The following IFT80 variants were observed in gnomAD, a reference collection of about 807,000 sequenced individuals.
IFT80 encodes intraflagellar transport 80, also known as intraflagellar transport protein 80 homolog.
A neutral mutation model predicts 107.9 loss-of-function variants in IFT80; 79 were observed. That is an observed-to-expected ratio of 0.73 (90% CI 0.61 to 0.88). IFT80 has a LOEUF of 0.88. Among genes scored for constraint, IFT80 ranks in the 40% least tolerant of loss-of-function variants. The probability of loss-of-function intolerance (pLI) is 0.00; values close to 1 mark genes in which losing one functional copy is unlikely to be tolerated. For missense variants in IFT80, 797 were observed against 914.2 expected, an observed-to-expected ratio of 0.87 and a Z score of 1.65; for synonymous variants, 299 against 300.9, an observed-to-expected ratio of 0.99 and a Z score of 0.07.
chr3:160,332,979 C>T (rs1253001381), intron 8 of IFT80, among the ~76,000 whole-genome samples: 1 of 152,088 alleles, frequency 6.6e-6, no homozygotes, highest in African/African-American at 2.4e-5. Context: ...ATCATGTGAA[C>T]ATCATAGAGC....
At chr3:160,259,538 A>G (rs779654608) in intron 19 of IFT80, among the ~76,000 whole-genome samples, 2 of 152,240 alleles carry the variant, frequency 1.3e-5, no homozygotes, top group African/African-American at 2.4e-5. Context: ...GACAATGAGG[A>G]AAAGATGTTA....
Position 160,315,406 on chromosome 3 carries a change from C to T in IFT80, c.957+4354G>A, listed in dbSNP as rs1304962986. Among the ~76,000 whole-genome samples, 7 of 152,214 alleles carry T rather than the reference C, an allele frequency of 4.6e-5. No homozygotes were observed. In the East Asian group the frequency reaches 1.2e-3, roughly 25 times the overall value. On this transcript the variant is annotated intron_variant, in intron 9 of 19. Transcript: ENST00000326448. ...CAGAACTCTGTTTTAGGGTAAAGAT[C>T]TTGGGGCCTACAGGGAATTTACTTG...
intron 5 of IFT80, among the ~76,000 whole-genome samples, chr3:160,372,177 C>T (rs1038398035): frequency 1.3e-5 from 2 of 152,292 alleles, no homozygotes; most frequent in Admixed American, 6.5e-5. Context: ...AATGAACACA[C>T]ATAGACAAAG....
intron 8 of IFT80, among the ~76,000 whole-genome samples, chr3:160,339,531 C>T (rs77366156): frequency 0.034 from 5,158 of 152,214 alleles, 253 homozygotes; most frequent in African/African-American, 0.11. Flanking sequence ...CAATTTTTGT[C>T]TCCAAAATGT....
intron 18 of IFT80, among the ~76,000 whole-genome samples, chr3:160,275,681 C>T (rs1047154875): frequency 1.3e-5 from 2 of 152,030 alleles, no homozygotes; most frequent in African/African-American, 2.4e-5. Context: ...ATTCAGAATG[C>T]TATAGCAAGA....
At chr3:160,285,321 CT>C (rs1372011423) in intron 13 of IFT80, among the ~76,000 whole-genome samples, 1 of 152,158 alleles carries the variant, frequency 6.6e-6, no homozygotes, top group Non-Finnish European at 1.5e-5. Context: ...ATGCAATGTG[CT>C]TCTTTTTCTA....
chr3:160,375,661 G>A lies in IFT80; in HGVS notation c.439+151C>T. ...GTACATCAGGTACCAAGCAAAGAAA[G>A]ACAAAACAGTGTAAAATATAAGAGA... On this transcript the variant is annotated intron_variant, in intron 5 of 19. Transcript: ENST00000326448. 6 of 620,448 alleles carry A rather than the reference G, an allele frequency of 9.7e-6. No individual in the cohort carries two copies. In the South Asian group the frequency reaches 1.3e-4, roughly 13 times the overall value. 38.4% of individuals were successfully genotyped at this position (620,448 alleles called of 1,614,324 possible). A position where few individuals can be genotyped will look rare whatever the true frequency, so the allele number is the denominator to read the frequency against.
chr3:160,314,362 C>T (rs1717632057), intron 9 of IFT80, among the ~76,000 whole-genome samples: 3 of 152,150 alleles, frequency 2.0e-5, no homozygotes, highest in African/African-American at 7.2e-5. Flanking sequence ...GCACTTCCTT[C>T]TAACAGAGAC....
chr3:160,301,503 A>G (rs1361403379), intron 11 of IFT80, among the ~76,000 whole-genome samples: 1 of 152,018 alleles, frequency 6.6e-6, no homozygotes, highest in Non-Finnish European at 1.5e-5. Flanking sequence ...ACTAGTGGTT[A>G]AAGTTTAAAG....
rs560369266 is a variant in IFT80 at position 160,348,234 on chromosome 3, A to C, written c.777+7779T>G. On this transcript the variant is annotated intron_variant, in intron 8 of 19. Coordinates refer to ENST00000326448, the MANE Select transcript of IFT80 (RefSeq NM_020800.3). Reference sequence around the variant, plus strand: ...TGCTTTTTGGCTATTTTTCTAGATAATTTCTTGAACAATGAAATTCAAACG... The same window carrying C: ...TGCTTTTTGGCTATTTTTCTAGATACTTTCTTGAACAATGAAATTCAAACG... Among the ~76,000 whole-genome samples the C allele has an allele frequency of 7.5e-4, 114 of 152,190 alleles. 1 individual carries two copies. Among genetic ancestry groups the C allele is most frequent in the African/African-American group, 2.6e-3 (110 of 41,520 alleles).
At chr3:160,367,101 T>C (rs1721923469) in intron 5 of IFT80, among the ~76,000 whole-genome samples, 1 of 152,036 alleles carries the variant, frequency 6.6e-6, no homozygotes, top group South Asian at 2.1e-4. Flanking sequence ...TGTAGCAAAT[T>C]ATTGAATCTC....
chr3:160,273,580 AATG>A (rs1713995449), intron 18 of IFT80, among the ~76,000 whole-genome samples: 1 of 152,194 alleles, frequency 6.6e-6, no homozygotes, highest in African/African-American at 2.4e-5. Context: ...CAGCTGAAAG[AATG>A]ATAAGATAAA....
intron 1 of IFT80, among the ~76,000 whole-genome samples, chr3:160,396,927 C>T (rs1196152662): frequency 1.3e-5 from 2 of 152,112 alleles, no homozygotes; most frequent in Non-Finnish European, 2.9e-5. Context: ...GTTATGTTTT[C>T]TCATTATACA....
chr3:160,347,057 T>C (rs1008695962), intron 8 of IFT80, among the ~76,000 whole-genome samples: 4 of 152,114 alleles, frequency 2.6e-5, no homozygotes, highest in African/African-American at 9.7e-5. Flanking sequence ...CAGGGAACTA[T>C]GAGAGGTCAA....
intron 15 of IFT80, 123 bp from the exon 16 acceptor site, chr3:160,279,487 C>T: frequency 6.6e-6 from 5 of 758,260 alleles, no homozygotes; most frequent in Non-Finnish European, 1.1e-5. Context: ...AAAAGGCACA[C>T]CCCCAAAGGT....
chr3:160,397,927 G>A (rs1289462699), intron 1 of IFT80, among the ~76,000 whole-genome samples: 1 of 151,894 alleles, frequency 6.6e-6, no homozygotes, highest in Non-Finnish European at 1.5e-5. Context: ...GTCCATGTTG[G>A]TCAGGCTGGT....
At position 160,307,702 on chromosome 3, in the gene IFT80, T is replaced by A. The variant is rs147725363; in HGVS notation, c.1037A>T (p.His346Leu). Residue 346 changes from histidine (H) to leucine (L), a missense_variant, in exon 10 of 20, where the codon CAC becomes CTC. Coordinates refer to ENST00000326448, the MANE Select transcript of IFT80 (RefSeq NM_020800.3). The part of the protein sequence containing the change: ...RVIKASLNYA[H>L]LVVSTSLQCY... Reference sequence around the variant, plus strand: ...TTGAAGAGACGTTGAAACAACTAAGTGTGCATAGTTCAAAGATGCTTTAAT... The same window carrying A: ...TTGAAGAGACGTTGAAACAACTAAGAGTGCATAGTTCAAAGATGCTTTAAT... 2 of 1,596,928 alleles carry A rather than the reference T, an allele frequency of 1.3e-6. No homozygotes were observed. The highest frequency in any genetic ancestry group is 2.2e-5 in the East Asian group (1 of 44,786).
At chr3:160,383,304 G>T in intron 2 of IFT80, 1 of 200,026 alleles carries the variant, frequency 5.0e-6, no homozygotes. Flanking sequence ...ATAAAATTGT[G>T]TATGGTGTGA....
intron 10 of IFT80, among the ~76,000 whole-genome samples, chr3:160,305,891 T>C (rs1716797820): frequency 6.6e-6 from 1 of 152,132 alleles, no homozygotes; most frequent in Admixed American, 6.5e-5. Context: ...ATCTAATCAT[T>C]CTCTATGTCC....
Sources: allele counts gnomAD v4.1 joint callset (sites outside exome capture counted in the v4.1 genomes callset), GRCh38; gene constraint gnomAD v4.1.1; transcripts MANE v1.5; gene names NCBI Gene and HGNC (gene_info 2026-07-23, HGNC 2026-07-21).